FRMD3: variants seen among roughly 807,000 people sequenced by gnomAD.
The protein encoded by FRMD3 is FERM domain containing 3.
FRMD3 carries 33 observed loss-of-function variants against 70.2 expected under a neutral mutation model. The ratio of observed to expected loss-of-function variants is 0.47; its 90% CI spans 0.36 to 0.63. The LOEUF (loss-of-function observed/expected upper bound fraction) is 0.63, where lower values mean the gene tolerates loss of function less well. Among genes scored for constraint, FRMD3 ranks in the 20% least tolerant of loss-of-function variants. The pLI is 0.00. For missense variants in FRMD3, 632 were observed against 711.4 expected, an observed-to-expected ratio of 0.89 and a Z score of 1.27; for synonymous variants, 279 against 255.9, an observed-to-expected ratio of 1.09 and a Z score of -0.86.
At chr9:83,413,299 GA>G (rs2131343023) in intron 1 of FRMD3, among the ~76,000 whole-genome samples, 2 of 152,284 alleles carry the variant, frequency 1.3e-5, no homozygotes, top group South Asian at 4.2e-4. Flanking sequence ...AGAATCTAAA[GA>G]ACCATCAGCT....
At chr9:83,261,515 C>T (rs1832994210) in intron 13 of FRMD3, among the ~76,000 whole-genome samples, 1 of 152,164 alleles carries the variant, frequency 6.6e-6, no homozygotes, top group South Asian at 2.1e-4. Context: ...TCTTGGTTTC[C>T]ATCCAATGAT....
chr9:83,354,950 G>T (rs896766095), intron 3 of FRMD3, among the ~76,000 whole-genome samples: 2 of 152,158 alleles, frequency 1.3e-5, no homozygotes, highest in Non-Finnish European at 2.9e-5. Context: ...CAAGGAGGTT[G>T]GGGGTCATCT....
intron 13 of FRMD3, among the ~76,000 whole-genome samples, chr9:83,263,004 C>G (rs1481178540): frequency 6.6e-6 from 1 of 152,028 alleles, no homozygotes; most frequent in African/African-American, 2.4e-5. Flanking sequence ...GGGGAGGGGG[C>G]CTGAGGGGAT....
intron 2 of FRMD3, among the ~76,000 whole-genome samples, chr9:83,385,185 G>GT (rs906317010): frequency 3.0e-5 from 2 of 66,920 alleles, no homozygotes; most frequent in Non-Finnish European, 6.2e-5. Context: ...ATATACTGGA[G>GT]TAAAAAAAAA....
intron 1 of FRMD3, among the ~76,000 whole-genome samples, chr9:83,479,086 C>T (rs963531234): frequency 6.6e-6 from 1 of 151,898 alleles, no homozygotes; most frequent in African/African-American, 2.4e-5. Flanking sequence ...ATACAAACAA[C>T]ACAGTACCAA....
intron 1 of FRMD3, among the ~76,000 whole-genome samples, chr9:83,438,979 T>G (rs72745087): frequency 0.11 from 16,797 of 152,112 alleles, 1,054 homozygotes; most frequent in South Asian, 0.15. Context: ...CTGAAAACCC[T>G]CACCTCTTTT....
chr9:83,507,366 CAAAAAAAAA>C (rs61570991), intron 1 of FRMD3, among the ~76,000 whole-genome samples: 1 of 46,768 alleles, frequency 2.1e-5, no homozygotes, highest in Non-Finnish European at 3.6e-5. Flanking sequence ...GACTCCGTCT[CAAAAAAAAA>C]AAAAAAAAAA....
At chr9:83,451,623 C>T (rs2131416403) in intron 1 of FRMD3, among the ~76,000 whole-genome samples, 1 of 152,262 alleles carries the variant, frequency 6.6e-6, no homozygotes, top group Admixed American at 6.5e-5. Context: ...TGTGCTGTGA[C>T]ATCAGGCTGA....
chr9:83,471,901 A>C (rs1352950542), intron 1 of FRMD3, among the ~76,000 whole-genome samples: 1 of 152,136 alleles, frequency 6.6e-6, no homozygotes, highest in Non-Finnish European at 1.5e-5. Flanking sequence ...GTCATTTCCT[A>C]ACTATGTAAC....
At chr9:83,358,581 G>A (rs772176610) in intron 3 of FRMD3, among the ~76,000 whole-genome samples, 10 of 151,698 alleles carry the variant, frequency 6.6e-5, no homozygotes, top group Non-Finnish European at 1.0e-4. Context: ...ATGTGTTTCC[G>A]TTTGTTTGTG....
intron 12 of FRMD3, among the ~76,000 whole-genome samples, chr9:83,295,393 C>G (rs1351053873): frequency 6.6e-6 from 1 of 152,156 alleles, no homozygotes; most frequent in East Asian, 1.9e-4. Context: ...TAGTGCCAGC[C>G]TCTAAAAACT....
intron 3 of FRMD3, among the ~76,000 whole-genome samples, chr9:83,354,283 A>C (rs1008995889): frequency 1.3e-5 from 2 of 152,212 alleles, no homozygotes; most frequent in Non-Finnish European, 2.9e-5. Context: ...CTGAATAAAG[A>C]AAATGTGGTA....
chr9:83,368,701 G>A (rs145080103), intron 3 of FRMD3, among the ~76,000 whole-genome samples: 1,859 of 152,118 alleles, frequency 0.012, 51 homozygotes, highest in African/African-American at 0.043. Flanking sequence ...GCATTCTCAC[G>A]TAACATTTGA....
chr9:83,320,095 T>C lies in FRMD3; in HGVS notation c.597-6348A>G, dbSNP rs1835737322. ...GGTTTTCTAGATAGAAACCATACCA[T>C]CAGCAAACAGGGAAAATTTGACTTC... On this transcript the variant is annotated intron_variant, in intron 6 of 13. Transcript: ENST00000304195. Among the ~76,000 whole-genome samples the C allele has an allele frequency of 3.3e-5, 5 of 152,338 alleles. 1 individual carries two copies. The South Asian group carries it at 1.0e-3, about 32-fold the overall frequency.
At chr9:83,436,124 T>G (rs1204778640) in intron 1 of FRMD3, among the ~76,000 whole-genome samples, 1 of 152,132 alleles carries the variant, frequency 6.6e-6, no homozygotes, top group African/African-American at 2.4e-5. Flanking sequence ...CACTCTTAAC[T>G]CCAGCTCACC....
intron 2 of FRMD3, among the ~76,000 whole-genome samples, chr9:83,374,616 A>G (rs1399260156): frequency 6.6e-6 from 1 of 152,312 alleles, no homozygotes; most frequent in Non-Finnish European, 1.5e-5. Flanking sequence ...TTCCTCGACT[A>G]TAAAATGGGA....
At chr9:83,318,642 T>C (rs1486734632) in intron 6 of FRMD3, among the ~76,000 whole-genome samples, 2 of 152,146 alleles carry the variant, frequency 1.3e-5, no homozygotes, top group Non-Finnish European at 2.9e-5. Flanking sequence ...TTCCTTTGGG[T>C]AGATATATAT....
upstream of FRMD3, among the ~76,000 whole-genome samples, chr9:83,538,808 C>CA (rs570323104): frequency 6.0e-3 from 921 of 152,320 alleles, 12 homozygotes; most frequent in African/African-American, 0.019. The surrounding 1 kb of genome is among the most constrained non-coding windows in gnomAD (Gnocchi z 4.7). Flanking sequence ...GGACCTGGCG[C>CA]GGGTAGGGGA....
intron 3 of FRMD3, among the ~76,000 whole-genome samples, chr9:83,369,766 T>C (rs1307146591): frequency 6.6e-6 from 1 of 152,112 alleles, no homozygotes; most frequent in East Asian, 1.9e-4. Context: ...CACTGCTGTT[T>C]ATCAAAGGAC....
Sources: gnomAD v4.1 joint callset for allele counts (sites outside exome capture counted in the v4.1 genomes callset) on GRCh38, gnomAD v4.1.1 for gene constraint, Gnocchi (gnomAD v3.1) non-coding constraint, MANE v1.5 for transcripts, NCBI Gene and HGNC (gene_info 2026-07-23, HGNC 2026-07-21) for gene names.